The following COL27A1 variants were observed in gnomAD, a reference collection of about 807,000 sequenced individuals.
The protein encoded by COL27A1 is collagen type XXVII alpha 1 chain.
In COL27A1, 106 loss-of-function variants were observed where a neutral mutation model predicts 251.3. That is an observed-to-expected ratio of 0.42 (90% CI 0.36 to 0.50). The LOEUF (loss-of-function observed/expected upper bound fraction) is 0.50. Ranked by LOEUF, COL27A1 falls within the 20% of genes least tolerant of loss-of-function variation. COL27A1 has a pLI of 0.00. For synonymous variants in COL27A1, 1,000 were observed against 986.3 expected, an observed-to-expected ratio of 1.01 and a Z score of -0.26; for missense variants, 2,325 against 2,522.8, an observed-to-expected ratio of 0.92 and a Z score of 1.68.
intron 49 of COL27A1, among the ~76,000 whole-genome samples, chr9:114,296,669 T>C (rs1827438574): frequency 6.6e-6 from 1 of 152,144 alleles, no homozygotes; most frequent in African/African-American, 2.4e-5. Flanking sequence ...GTTAAGCATA[T>C]CCCTATTGTA....
In COL27A1 at chr9:114,301,288, C is replaced by T. The variant is rs760817020; in HGVS notation, c.4760C>T (p.Pro1587Leu). The T allele has an allele frequency of 1.2e-5, 20 of 1,611,514 alleles. No homozygotes were observed. The highest frequency in any genetic ancestry group is 8.9e-5 in the East Asian group (4 of 44,794). ...GILGPSGLPGPKGDKGSRGDW... is the reference protein window; with the variant it reads ...GILGPSGLPGLKGDKGSRGDW... ...CTGGGCCGTGGTTTGTTGCAGGGTC[C>T]GAAGGGTGACAAAGGCAGCCGTGGG... The change falls in exon 53 of 61, where the codon CCG becomes CTG. Residue 1587 changes from proline to leucine, a missense_variant. Pro to Leu is a moderately conservative substitution (Grantham distance 98, BLOSUM62 -3). This residue lies in a region of COL27A1 where 327 missense variants were observed against 442.8 expected (regional missense o/e 0.74). Coordinates refer to ENST00000356083, the MANE Select transcript of COL27A1 (RefSeq NM_032888.4).
intron 59 of COL27A1, 68 bp from the exon 60 acceptor site, chr9:114,309,192 C>A: frequency 1.5e-6 from 2 of 1,301,352 alleles, no homozygotes; most frequent in Non-Finnish European, 2.2e-6. Context: ...CATAGAGAGG[C>A]AGGGAACCCT....
At chr9:114,265,248 G>A in intron 31 of COL27A1, 138 bp downstream of exon 31, 1 of 1,106,410 alleles carries the variant, frequency 9.0e-7, no homozygotes, top group South Asian at 1.4e-5. Context: ...TTGCCCACCT[G>A]CCCTGCACTG....
rs369794481 is a variant in COL27A1, at chr9:114,260,391, A to G, written c.3195+1797A>G. ...AACAGGCTGCCCTTCGCCACCTCCT[A>G]GAGGAGGTGACTGAAGGTGGGGAAC... is the stretch of plus-strand genomic sequence containing the variant. On this transcript the variant is annotated intron_variant, in intron 28 of 60. Transcript: ENST00000356083. 7.9e-5 allele frequency among the ~76,000 whole-genome samples: 12 copies of G among 152,072 alleles called. No homozygotes were observed. In the South Asian group the frequency reaches 2.5e-3, roughly 32 times the overall value.
chr9:114,215,511 T>C (rs1830659015), intron 12 of COL27A1, among the ~76,000 whole-genome samples: 2 of 152,100 alleles, frequency 1.3e-5, no homozygotes, highest in African/African-American at 4.8e-5. Context: ...CTTGAGTAGA[T>C]TTCCTAGTGG....
chr9:114,248,267 T>C (rs1833281797), intron 24 of COL27A1, among the ~76,000 whole-genome samples: 1 of 152,142 alleles, frequency 6.6e-6, no homozygotes. Flanking sequence ...GGTCTTGCCT[T>C]CAAGACACCC....
At chr9:114,155,171 C>A (rs1302367321), upstream of COL27A1, among the ~76,000 whole-genome samples, 1 of 152,108 alleles carries the variant, frequency 6.6e-6, no homozygotes, top group African/African-American at 2.4e-5. This position sits in a 1 kb window ranked among gnomAD's most constrained non-coding sequence, Gnocchi z 5.5. Context: ...CTGGTCCTAG[C>A]TCCGTCCCTG....
At chr9:114,224,192 C>A (rs1258812825) in intron 14 of COL27A1, among the ~76,000 whole-genome samples, 2 of 152,240 alleles carry the variant, frequency 1.3e-5, no homozygotes, top group African/African-American at 4.8e-5. Context: ...CGAGAACTCT[C>A]TAGAAGTCTT....
intron 2 of COL27A1, 73 bp from the exon 3 acceptor site, chr9:114,167,616 C>G (rs1564416420): frequency 2.2e-6 from 3 of 1,349,636 alleles, no homozygotes; most frequent in Non-Finnish European, 3.1e-6. Context: ...GCCTGTGCCC[C>G]TTAGGGGGTA....
At chr9:114,165,680 CCAT>C (rs1161434175) in intron 2 of COL27A1, among the ~76,000 whole-genome samples, 6 of 150,122 alleles carry the variant, frequency 4.0e-5, no homozygotes, top group African/African-American at 1.5e-4. Context: ...ATCCATCCAT[CCAT>C]CTACCCTTTC....
At chr9:114,293,188 T>C (rs1294770763) in intron 49 of COL27A1, among the ~76,000 whole-genome samples, 1 of 152,218 alleles carries the variant, frequency 6.6e-6, no homozygotes, top group Non-Finnish European at 1.5e-5. Context: ...AGACACTATT[T>C]TGAGCCTTAA....
chr9:114,264,302 G>GC (rs1273510869), intron 28 of COL27A1, 53 bp from the exon 29 acceptor site: 22 of 1,451,500 alleles, frequency 1.5e-5, no homozygotes, highest in Non-Finnish European at 1.9e-5. Flanking sequence ...CTGGTTCTCC[G>GC]CCCGAGGGAG....
chr9:114,214,488 G>A (rs189008025), intron 12 of COL27A1, among the ~76,000 whole-genome samples: 25 of 152,302 alleles, frequency 1.6e-4, no homozygotes, highest in Non-Finnish European at 3.5e-4. Flanking sequence ...TTTTACTAAC[G>A]GGAGCTGAGG....
chr9:114,194,357 C>A, intron 5 of COL27A1, 47 bp from the exon 6 acceptor site: 1 of 1,590,650 alleles, frequency 6.3e-7, no homozygotes. Flanking sequence ...AGGCAGACAT[C>A]CTTTCTAGAT....
chr9:114,304,510 CA>C, intron 56 of COL27A1, 97 bp from the exon 57 acceptor site: 1 of 1,147,408 alleles, frequency 8.7e-7, no homozygotes, highest in South Asian at 1.2e-5. Flanking sequence ...ATGACTTGGC[CA>C]AGATCCTGCC....
At chr9:114,253,505 A>G (rs1170553759) in intron 27 of COL27A1, among the ~76,000 whole-genome samples, 1 of 150,446 alleles carries the variant, frequency 6.6e-6, no homozygotes, top group Non-Finnish European at 1.5e-5. Context: ...TGAAGGAAGG[A>G]AGGAAGAACA....
At chr9:114,271,257 T>G (rs1835121996) in intron 36 of COL27A1, 1 of 160,902 alleles carries the variant, frequency 6.2e-6, no homozygotes, top group African/African-American at 2.4e-5. Context: ...ACAACGGAAG[T>G]TCTGTCTTTA....
At chr9:114,185,372 C>G (rs1307124639) in intron 5 of COL27A1, among the ~76,000 whole-genome samples, 1 of 152,264 alleles carries the variant, frequency 6.6e-6, no homozygotes. Flanking sequence ...TGCCCTTTGC[C>G]TGGACACTTG....
intron 27 of COL27A1, among the ~76,000 whole-genome samples, chr9:114,258,163 C>T (rs138993220): frequency 8.2e-4 from 125 of 152,276 alleles, no homozygotes; most frequent in African/African-American, 2.9e-3. Flanking sequence ...GGCCACAGAG[C>T]GAGATCCTCT....
Sources: gnomAD v4.1 joint callset for allele counts (sites outside exome capture counted in the v4.1 genomes callset) on GRCh38, gnomAD v4.1.1 for gene constraint, gnomAD v4.1.1 regional missense constraint, Gnocchi (gnomAD v3.1) non-coding constraint, MANE v1.5 for transcripts, NCBI Gene and HGNC (gene_info 2026-07-23, HGNC 2026-07-21) for gene names.